The following AEBP2 variants were observed in gnomAD, a reference collection of about 807,000 sequenced individuals.
AEBP2 encodes the protein AE binding protein 2.
AEBP2 carries 10 observed loss-of-function variants against 50.8 expected under a neutral mutation model. The observed-to-expected ratio is 0.20, with a 90% confidence interval of 0.12 to 0.33. The LOEUF (loss-of-function observed/expected upper bound fraction) is 0.33, where lower values mean the gene tolerates loss of function less well. Ranked by LOEUF, AEBP2 falls within the 10% of genes least tolerant of loss-of-function variation. AEBP2 has a pLI of 1.00. For missense variants in AEBP2, 570 were observed against 688.0 expected, an observed-to-expected ratio of 0.83 and a Z score of 1.92; for synonymous variants, 296 against 261.3, an observed-to-expected ratio of 1.13 and a Z score of -1.28.
rs1164813385 is a variant in AEBP2, at chr12:19,440,199, G to T, written c.500G>T (p.Ser167Ile). 1 of 1,454,852 alleles carries T rather than the reference G, an allele frequency of 6.9e-7. No individual in the cohort carries two copies. Among genetic ancestry groups the T allele is most frequent in the East Asian group, 2.7e-5 (1 of 37,536 alleles). The allele number at this position is 1,454,852 out of a possible 1,614,324, so 90.1% of individuals were successfully genotyped here. Reference sequence around the variant, plus strand: ...GAGGAGCCCAAGGGACCGCGGGGCAGCCAGGGCGGCGGCGGGGGCGGCAGC... The same window carrying T: ...GAGGAGCCCAAGGGACCGCGGGGCATCCAGGGCGGCGGCGGGGGCGGCAGC... ...GLEEPKGPRG[S>I]QGGGGGGSSS... is the part of the protein sequence containing the mutation. The change falls in exon 1 of 8, where the codon AGC becomes ATC. Residue 167 changes from serine to isoleucine, a missense_variant. Coordinates refer to ENST00000266508, the MANE Select transcript of AEBP2 (RefSeq NM_153207.5).
chr12:19,503,658 T>A (rs1250198190), intron 5 of AEBP2, among the ~76,000 whole-genome samples: 2 of 151,936 alleles, frequency 1.3e-5, no homozygotes, highest in Non-Finnish European at 2.9e-5. Flanking sequence ...ATAGGAATGG[T>A]GAGAGGAGAC....
At chr12:19,442,386 C>T (rs1307966688) in intron 1 of AEBP2, among the ~76,000 whole-genome samples, 5 of 152,024 alleles carry the variant, frequency 3.3e-5, no homozygotes, top group Non-Finnish European at 7.4e-5. Flanking sequence ...CCAGCCTGGG[C>T]GACAGAGCGA....
At chr12:19,453,467 T>TGGA (rs1393185763) in intron 1 of AEBP2, among the ~76,000 whole-genome samples, 1 of 151,284 alleles carries the variant, frequency 6.6e-6, no homozygotes, top group African/African-American at 2.4e-5. Context: ...TTGCTCAGGC[T>TGGA]GGAGTGCAGT....
At chr12:19,433,327 G>T (rs1434386683) in intron 1 of AEBP2, among the ~76,000 whole-genome samples, 1 of 152,110 alleles carries the variant, frequency 6.6e-6, no homozygotes, top group East Asian at 1.9e-4. Context: ...GGCAGAGGTT[G>T]CAGTGAGCCA....
At chr12:19,506,325 C>A (rs547807071) in intron 5 of AEBP2, among the ~76,000 whole-genome samples, 13 of 151,932 alleles carry the variant, frequency 8.6e-5, no homozygotes, top group Non-Finnish European at 1.5e-4. Context: ...GTCTCGAACT[C>A]CTGAACTGTA....
At chr12:19,445,370 CTT>C (rs55898072) in intron 1 of AEBP2, among the ~76,000 whole-genome samples, 58,038 of 135,384 alleles carry the variant, frequency 0.43, 11,901 homozygotes, top group Non-Finnish European at 0.53. Flanking sequence ...TGCTCGTTTT[CTT>C]TTTTTTTTTT....
intron 3 of AEBP2, among the ~76,000 whole-genome samples, chr12:19,480,353 C>T (rs568205894): frequency 1.3e-4 from 20 of 152,322 alleles, no homozygotes; most frequent in Admixed American, 9.1e-4. Context: ...GATCTGCCCA[C>T]CTCGGCCTCC....
intron 3 of AEBP2, among the ~76,000 whole-genome samples, chr12:19,475,231 C>T (rs1207049901): frequency 6.6e-6 from 1 of 151,986 alleles, no homozygotes; most frequent in Non-Finnish European, 1.5e-5. Context: ...TAACCACCCC[C>T]ACCCTTCCCT....
intron 2 of AEBP2, among the ~76,000 whole-genome samples, chr12:19,471,918 T>C (rs1046448735): frequency 2.6e-5 from 4 of 152,324 alleles, no homozygotes; most frequent in South Asian, 2.1e-4. Context: ...GCCATTAGTT[T>C]ATAAACATGT....
At chr12:19,464,916 A>G (rs140851647) in intron 2 of AEBP2, among the ~76,000 whole-genome samples, 3,674 of 152,154 alleles carry the variant, frequency 0.024, 86 homozygotes, top group Middle Eastern at 0.051. Flanking sequence ...ATAATTAAAT[A>G]TGTCATGTAA....
chr12:19,513,866 T>C (rs200144685), intron 6 of AEBP2, among the ~76,000 whole-genome samples: 1 of 151,870 alleles, frequency 6.6e-6, no homozygotes, highest in East Asian at 1.9e-4. Flanking sequence ...TTGAATTTCT[T>C]TGAATTCAGT....
chr12:19,499,614 TTAA>T (rs1565732731), intron 4 of AEBP2, among the ~76,000 whole-genome samples: 5 of 112,142 alleles, frequency 4.5e-5, no homozygotes, highest in Non-Finnish European at 4.0e-5. Context: ...ACTCTGTCTC[TTAA>T]AAAAAAAAAA....
At chr12:19,421,063 G>A (rs1388533787) in intron 1 of AEBP2, among the ~76,000 whole-genome samples, 1 of 152,118 alleles carries the variant, frequency 6.6e-6, no homozygotes, top group Admixed American at 6.6e-5. Context: ...GCTTGAGAGG[G>A]GTTGGGCGAG....
chr12:19,434,453 G>A (rs113771883), intron 1 of AEBP2, among the ~76,000 whole-genome samples: 15 of 152,334 alleles, frequency 9.8e-5, no homozygotes, highest in African/African-American at 3.6e-4. Flanking sequence ...GATTACAGGC[G>A]TAAGCCACTG....
intron 1 of AEBP2, among the ~76,000 whole-genome samples, chr12:19,458,053 A>G (rs1053987669): frequency 6.6e-6 from 1 of 152,154 alleles, no homozygotes; most frequent in Non-Finnish European, 1.5e-5. Context: ...AAAATTTAAC[A>G]TATGTATGGT....
At position 19,485,637 on chromosome 12, in the gene AEBP2, T is replaced by A. The variant is rs1442926069; in HGVS notation, c.988-8163T>A. Among the ~76,000 whole-genome samples, 3 of 148,452 alleles carry A rather than the reference T, an allele frequency of 2.0e-5. 1 individual carries two copies. The highest frequency in any genetic ancestry group is 4.3e-4 in the South Asian group (2 of 4,698). On this transcript the variant is annotated intron_variant, in intron 3 of 7. Transcript: ENST00000266508. Reference sequence around the variant, plus strand: ...GGTGGAAGGATCACTTGAGTCTGGGTGTTTGGGGCTGCAGTGAGCTGAGAC... The same window carrying A: ...GGTGGAAGGATCACTTGAGTCTGGGAGTTTGGGGCTGCAGTGAGCTGAGAC...
chr12:19,450,979 G>A (rs1179562105), intron 1 of AEBP2, among the ~76,000 whole-genome samples: 1 of 70,458 alleles, frequency 1.4e-5, no homozygotes, highest in Admixed American at 1.4e-4. Flanking sequence ...ATATATAGTA[G>A]TATGACAGTT....
At chr12:19,458,297 A>G (rs562171800) in intron 1 of AEBP2, among the ~76,000 whole-genome samples, 1 of 152,318 alleles carries the variant, frequency 6.6e-6, no homozygotes, top group African/African-American at 2.4e-5. Flanking sequence ...AAGGGAGCCT[A>G]GAGGCTTAGG....
intron 1 of AEBP2, among the ~76,000 whole-genome samples, chr12:19,447,037 A>G (rs1948082582): frequency 6.6e-6 from 1 of 152,214 alleles, no homozygotes; most frequent in Non-Finnish European, 1.5e-5. Flanking sequence ...TAAATGATGA[A>G]GAGAGAATTC....
Sources: allele counts gnomAD v4.1 joint callset (sites outside exome capture counted in the v4.1 genomes callset), GRCh38; gene constraint gnomAD v4.1.1; transcripts MANE v1.5; gene names NCBI Gene and HGNC (gene_info 2026-07-23, HGNC 2026-07-21).